Variants in ACSL4 observed in about 807,000 individuals in gnomAD.
The protein encoded by ACSL4 is acyl-CoA synthetase long chain family member 4.
ACSL4 carries 9 observed loss-of-function variants against 49.1 expected under a neutral mutation model. That is an observed-to-expected ratio of 0.18 (90% CI 0.11 to 0.32). The LOEUF (loss-of-function observed/expected upper bound fraction) is 0.32. Among genes scored for constraint, ACSL4 ranks in the 10% least tolerant of loss-of-function variants. The probability of loss-of-function intolerance (pLI) is 1.00; values close to 1 mark genes in which losing one functional copy is unlikely to be tolerated. For missense variants in ACSL4, 333 were observed against 493.7 expected, an observed-to-expected ratio of 0.67 and a Z score of 3.08; for synonymous variants, 191 against 170.3, an observed-to-expected ratio of 1.12 and a Z score of -0.95.
intron 2 of ACSL4, among the ~76,000 whole-genome samples, chrX:109,691,606 A>G (rs978672793): frequency 5.3e-5 from 6 of 112,479 alleles, no homozygotes; most frequent in African/African-American, 1.9e-4. Context: ...AAACTTTACA[A>G]GAGACATTAC....
At position 109,721,729 on chromosome X, in the gene ACSL4, C is replaced by CA. The variant is rs1432885740; in HGVS notation, c.-66+11409dup. On this transcript the variant is annotated intron_variant, in intron 1 of 15. Coordinates refer to ENST00000672401, the MANE Select transcript of ACSL4 (RefSeq NM_001318510.2). ...CCTGGGTGACAGAGTAAGACTCCGT[C>CA]AAAAAAAAAAACAAAAAAGAAAAGA... Among the ~76,000 whole-genome samples the CA allele has an allele frequency of 9.9e-3, 878 of 89,002 alleles. 6 individuals carry two copies. Among genetic ancestry groups the CA allele is most frequent in the South Asian group, 0.02 (40 of 1,997 alleles). 77.3% of individuals were successfully genotyped at this position (89,002 alleles called of 115,157 possible).
intron 1 of ACSL4, among the ~76,000 whole-genome samples, chrX:109,731,691 C>A (rs1928462908): frequency 9.0e-6 from 1 of 110,931 alleles, no homozygotes; most frequent in South Asian, 3.7e-4. Context: ...CAATAAGGTA[C>A]TTTATTCTAA....
intron 15 of ACSL4, among the ~76,000 whole-genome samples, chrX:109,653,460 T>C (rs1921333990): frequency 9.0e-6 from 1 of 111,675 alleles, no homozygotes; most frequent in African/African-American, 3.3e-5. Context: ...ACTGGGTATA[T>C]ACTCAAAGGA....
chrX:109,695,591 G>C (rs1157248637), intron 2 of ACSL4: 1 of 110,231 alleles, frequency 9.1e-6, no homozygotes, highest in Non-Finnish European at 1.9e-5. Flanking sequence ...GGTGGCACGT[G>C]CCTGTAATCC....
At chrX:109,666,161 A>G (rs967618012) in intron 11 of ACSL4, among the ~76,000 whole-genome samples, 2 of 112,677 alleles carry the variant, frequency 1.8e-5, no homozygotes, top group African/African-American at 6.4e-5. Context: ...TGCATGTGAA[A>G]CAATTCAGAG....
At position 109,733,148 on chromosome X, in the gene ACSL4, G is replaced by A. The variant is rs1443872093; in HGVS notation, c.-75C>T. The A allele has an allele frequency of 9.2e-6, 3 of 325,727 alleles. No homozygotes were observed. Among genetic ancestry groups the A allele is most frequent in the Non-Finnish European group, 1.2e-5 (2 of 168,176 alleles). The allele number at this position is 325,727 out of a possible 1,213,427, so 26.8% of individuals were successfully genotyped here. On this transcript the variant is annotated 5_prime_UTR_variant, in exon 1 of 16. Transcript: ENST00000672401. ...ATCCAGGGATACTCACCGGAGGGGC[G>A]GCCCACCGCGTCTTCGCAGCCGGCC...
intron 9 of ACSL4, among the ~76,000 whole-genome samples, chrX:109,672,884 C>T (rs1197767285): frequency 9.1e-6 from 1 of 110,001 alleles, no homozygotes; most frequent in Non-Finnish European, 1.9e-5. Context: ...AATTTGCAGC[C>T]CAGCAGGAAA....
At chrX:109,731,476 T>C (rs750055091) in intron 1 of ACSL4, among the ~76,000 whole-genome samples, 21 of 109,207 alleles carry the variant, frequency 1.9e-4, no homozygotes, top group African/African-American at 7.0e-4. Flanking sequence ...CTTGTCTGAA[T>C]TGAACAAGAC....
chrX:109,698,736 C>T (rs1488473862), intron 1 of ACSL4, among the ~76,000 whole-genome samples: 1 of 111,514 alleles, frequency 9.0e-6, no homozygotes, highest in South Asian at 3.7e-4. Flanking sequence ...AAACAAAGTC[C>T]ACGCAGCTAA....
At chrX:109,718,995 T>A (rs1273511703) in intron 1 of ACSL4, among the ~76,000 whole-genome samples, 1 of 111,044 alleles carries the variant, frequency 9.0e-6, no homozygotes, top group Non-Finnish European at 1.9e-5. Flanking sequence ...TCAGAGGGGG[T>A]GCAGGGAGAC....
rs1331996326 is a variant in ACSL4 at position 109,671,938 on chromosome X, CGGAAGG to C, written c.1002+2458_1002+2463del. On this transcript the variant is annotated intron_variant, in intron 9 of 15. Coordinates refer to ENST00000672401, the MANE Select transcript of ACSL4 (RefSeq NM_001318510.2). ...CAAGTACCCAGGGACACAAACACTGCGGAAGGCGGCAGGGCCCTCTGCCTAGGAAAA... is the reference window on the plus strand; with the variant it reads ...CAAGTACCCAGGGACACAAACACTGCCGGCAGGGCCCTCTGCCTAGGAAAA... Among the ~76,000 whole-genome samples the C allele has an allele frequency of 3.9e-4, 43 of 109,791 alleles. 1 individual carries two copies. Among genetic ancestry groups the C allele is most frequent in the Admixed American group, 3.7e-3 (38 of 10,374 alleles).
chrX:109,732,126 G>A (rs1221631744), intron 1 of ACSL4, among the ~76,000 whole-genome samples: 2 of 112,239 alleles, frequency 1.8e-5, no homozygotes, highest in African/African-American at 3.2e-5. Flanking sequence ...AAACTGAAGC[G>A]CTGATGAGAC....
chrX:109,656,911 T>C (rs1569418338), intron 15 of ACSL4, among the ~76,000 whole-genome samples: 1 of 112,071 alleles, frequency 8.9e-6, no homozygotes, highest in Non-Finnish European at 1.9e-5. Context: ...AACTGTTGAT[T>C]ACTCTCTTTC....
intron 1 of ACSL4, among the ~76,000 whole-genome samples, chrX:109,726,584 A>G (rs767022798): frequency 1.2e-4 from 14 of 112,836 alleles, no homozygotes; most frequent in African/African-American, 4.5e-4. Context: ...GTATTTTACA[A>G]AGGAAATAAA....
At chrX:109,677,500 T>C (rs1249123924) in intron 8 of ACSL4, among the ~76,000 whole-genome samples, 1 of 110,978 alleles carries the variant, frequency 9.0e-6, no homozygotes, top group Non-Finnish European at 1.9e-5. Context: ...ATTTTAAGGC[T>C]GGGCACAGTG....
At chrX:109,718,403 G>T (rs1476772287) in intron 1 of ACSL4, among the ~76,000 whole-genome samples, 1 of 112,122 alleles carries the variant, frequency 8.9e-6, no homozygotes, top group Non-Finnish European at 1.9e-5. Flanking sequence ...GATTTTCACT[G>T]GAGACTGATC....
chrX:109,725,952 G>T (rs1479564539), intron 1 of ACSL4, among the ~76,000 whole-genome samples: 1 of 110,405 alleles, frequency 9.1e-6, no homozygotes, highest in Non-Finnish European at 1.9e-5. Context: ...GTGCTGAATT[G>T]TGTTTCTTCC....
intron 1 of ACSL4, among the ~76,000 whole-genome samples, chrX:109,713,649 CTG>C (rs936384952): frequency 5.4e-5 from 6 of 111,478 alleles, no homozygotes; most frequent in Non-Finnish European, 7.5e-5. Context: ...TATTGAGCCA[CTG>C]TAATGATAAG....
intron 1 of ACSL4, among the ~76,000 whole-genome samples, chrX:109,704,397 C>A (rs753214743): frequency 1.1e-5 from 1 of 93,238 alleles, no homozygotes; most frequent in Non-Finnish European, 2.3e-5. Flanking sequence ...GAGAAATAGT[C>A]CAATCTTAGC....
Sources: allele counts gnomAD v4.1 joint callset (sites outside exome capture counted in the v4.1 genomes callset), GRCh38; gene constraint gnomAD v4.1.1; transcripts MANE v1.5; gene names NCBI Gene and HGNC (gene_info 2026-07-23, HGNC 2026-07-21).